The following MGAM variants were observed in gnomAD, a reference collection of about 807,000 sequenced individuals.
The protein encoded by MGAM is alpha-1,4-glucosidase.
MGAM carries 253 observed loss-of-function variants against 358.8 expected under a neutral mutation model. The observed-to-expected ratio is 0.71, with a 90% CI of 0.64 to 0.78. The LOEUF is 0.78. MGAM is among the 30% of genes least tolerant of loss of function. The pLI is 0.00. For missense variants in MGAM, 3,080 were observed against 3,432.6 expected (o/e 0.90, Z 2.57); for synonymous variants, 1,105 against 1,227.1 (o/e 0.90, Z 2.08).
intron 41 of MGAM, among the ~76,000 whole-genome samples, chr7:142,066,927 G>A (rs920196774): frequency 1.4e-5 from 2 of 146,132 alleles, no homozygotes; most frequent in African/African-American, 4.9e-5. Flanking sequence ...ATTGAATGAC[G>A]AAAATTGAAA....
chr7:141,995,197 C>T (rs898467209), upstream of MGAM, among the ~76,000 whole-genome samples: 1 of 151,454 alleles, frequency 6.6e-6, no homozygotes, highest in Non-Finnish European at 1.5e-5. Flanking sequence ...AACTAAATCC[C>T]TCTCATAGGT....
Position 142,042,621 on chromosome 7 carries a change from A to ATG in MGAM, c.2498+1776_2498+1777insGT, listed in dbSNP as rs1809087361. ...ATATATAATATATAATATATATTAT[A>ATG]TATACATATTATATATAATATATAA... is the stretch of plus-strand genomic sequence containing the variant. On this transcript the variant is annotated intron_variant, in intron 21 of 70. Coordinates refer to ENST00000475668, the MANE Select transcript of MGAM (RefSeq NM_001365693.1). Among the ~76,000 whole-genome samples the ATG allele has an allele frequency of 1.2e-4, 2 of 17,170 alleles. 1 individual carries two copies. Among genetic ancestry groups the ATG allele is most frequent in the Non-Finnish European group, 2.2e-4 (2 of 9,294 alleles). The allele number at this position is 17,170 out of a possible 152,430, so 11.3% of individuals were successfully genotyped here.
rs747473196 is a variant in MGAM at position 142,078,997 on chromosome 7, C to T, written c.5836C>T (p.Leu1946=). The part of the protein sequence containing the change: ...LDVTYHKNEM[L]QFKIYDPNNN... ...TGTCACTTACCATAAGAATGAAATG[C>T]TACAGTTCAAGGTAAACACGGTACA... Residue 1946 remains leucine, a synonymous_variant, in exon 49 of 71, where the codon CTA becomes TTA. Transcript: ENST00000475668. 7 of 1,553,070 alleles carry T rather than the reference C, an allele frequency of 4.5e-6. 1 individual carries two copies. Among genetic ancestry groups the T allele is most frequent in the Non-Finnish European group, 6.2e-6 (7 of 1,130,150 alleles).
intron 13 of MGAM, among the ~76,000 whole-genome samples, chr7:142,032,506 C>T (rs1032367885): frequency 9.9e-5 from 15 of 151,942 alleles, no homozygotes; most frequent in Non-Finnish European, 2.1e-4. Context: ...TATGTATTTA[C>T]AGTTATATTT....
intron 4 of MGAM, among the ~76,000 whole-genome samples, chr7:142,020,274 A>G (rs1409968121): frequency 1.3e-5 from 2 of 152,136 alleles, no homozygotes; most frequent in African/African-American, 2.4e-5. Context: ...ATCAATGGAT[A>G]TAATCACCTG....
chr7:142,052,216 T>TA (rs1811047158), intron 24 of MGAM, 78 bp from the exon 25 acceptor site: 1 of 1,210,504 alleles, frequency 8.3e-7, no homozygotes, highest in Non-Finnish European at 1.1e-6. Flanking sequence ...ATTTTTTTTT[T>TA]ATCGAAAAAA....
chr7:142,060,876 G>C (rs372524800), intron 34 of MGAM, among the ~76,000 whole-genome samples: 10 of 151,860 alleles, frequency 6.6e-5, no homozygotes, highest in African/African-American at 2.4e-4. Flanking sequence ...GTCCTGCCCC[G>C]AGCCCCACCA....
chr7:142,018,569 T>C (rs1554457049), intron 3 of MGAM, among the ~76,000 whole-genome samples: 1 of 152,196 alleles, frequency 6.6e-6, no homozygotes, highest in East Asian at 1.9e-4. Flanking sequence ...AATTAGTTGG[T>C]GTGAGAAAGA....
intron 8 of MGAM, among the ~76,000 whole-genome samples, chr7:142,025,810 C>T (rs1212171008): frequency 2.0e-5 from 3 of 152,162 alleles, no homozygotes; most frequent in African/African-American, 7.2e-5. Flanking sequence ...AGATCTGATT[C>T]TCCACCACAG....
At chr7:142,036,098 T>G in intron 16 of MGAM, 71 bp from the exon 17 acceptor site, 1 of 1,148,210 alleles carries the variant, frequency 8.7e-7, no homozygotes, top group Non-Finnish European at 1.3e-6. Flanking sequence ...AGTTGGGAGG[T>G]CCCTGGTGGA....
At position 142,022,327 on chromosome 7, in the gene MGAM, G is replaced by A. The variant is rs782082021; in HGVS notation, c.770G>A (p.Arg257Gln). 8 of 1,612,972 alleles carry A rather than the reference G, an allele frequency of 5.0e-6. No individual in the cohort carries two copies. Among genetic ancestry groups the A allele is most frequent in the Non-Finnish European group, 6.8e-6 (8 of 1,179,370 alleles). Residue 257 changes from arginine (R) to glutamine (Q), a missense_variant, in exon 7 of 71, where the codon CGA (arginine) becomes CAA (glutamine). Transcript: ENST00000475668. ...FADQFLQLST[R>Q]LPSTNVYGLG... ...GACCAGTTCTTGCAGCTCTCCACTCGACTGCCTAGCACTAACGTGTATGGC... is the reference window on the plus strand; with the variant it reads ...GACCAGTTCTTGCAGCTCTCCACTCAACTGCCTAGCACTAACGTGTATGGC...
At chr7:142,014,845 A>G (rs1805847268) in intron 3 of MGAM, among the ~76,000 whole-genome samples, 1 of 152,250 alleles carries the variant, frequency 6.6e-6, no homozygotes, top group African/African-American at 2.4e-5. Flanking sequence ...TGTCAATTTT[A>G]TGGCAAAAAT....
chr7:142,047,726 G>A (rs567129315), intron 21 of MGAM, 59 bp from the exon 22 acceptor site: 3 of 1,474,870 alleles, frequency 2.0e-6, no homozygotes, highest in Admixed American at 3.4e-5. Flanking sequence ...AATATTCTCA[G>A]CTCGGCTGGC....
At chr7:142,018,760 A>G (rs1252412031) in intron 3 of MGAM, among the ~76,000 whole-genome samples, 2 of 152,230 alleles carry the variant, frequency 1.3e-5, no homozygotes, top group Non-Finnish European at 2.9e-5. Flanking sequence ...AATGTAAGGC[A>G]TATATTTAAA....
chr7:142,042,705 A>G (rs1195268724), intron 21 of MGAM, among the ~76,000 whole-genome samples: 4 of 50,470 alleles, frequency 7.9e-5, no homozygotes, highest in Non-Finnish European at 1.3e-4. Flanking sequence ...ATAATATTAT[A>G]TATAATATAT....
chr7:142,030,999 G>C (rs1303553446), intron 12 of MGAM, among the ~76,000 whole-genome samples: 4 of 152,026 alleles, frequency 2.6e-5, no homozygotes, highest in African/African-American at 9.7e-5. Context: ...CACACTGAGT[G>C]TCCACTTTCT....
chr7:142,036,181 A>G lies in MGAM; in HGVS notation c.1972A>G (p.Ile658Val), dbSNP rs782787986. The change falls in exon 17 of 71, where the codon ATA becomes GTA. Residue 658 changes from isoleucine to valine, a missense_variant. Ile to Val is a conservative substitution (Grantham distance 29, BLOSUM62 3). Around this residue, in one of 5 missense-constraint regions of MGAM, gnomAD observed 1,816 missense variants for 1,840.5 expected, o/e 0.99. Coordinates refer to ENST00000475668, the MANE Select transcript of MGAM (RefSeq NM_001365693.1). The part of the protein sequence containing the change: ...LFGIPMVGPD[I>V]CGFALDTPEE... ...TGTGTCCTTCCAGGTGGGTCCTGAC[A>G]TATGTGGCTTTGCTTTGGACACCCC... 3 of 1,611,136 alleles carry G rather than the reference A, an allele frequency of 1.9e-6. No homozygotes were observed. The highest frequency in any genetic ancestry group is 2.2e-5 in the South Asian group (2 of 90,368).
At chr7:141,991,246 G>A (rs916658324), upstream of MGAM, among the ~76,000 whole-genome samples, 34 of 152,194 alleles carry the variant, frequency 2.2e-4, no homozygotes, top group Non-Finnish European at 5.9e-5. Flanking sequence ...TGTTGTTACT[G>A]TTATTCTCAT....
intron 3 of MGAM, among the ~76,000 whole-genome samples, chr7:142,016,781 C>G (rs1429687701): frequency 6.6e-6 from 1 of 152,110 alleles, no homozygotes; most frequent in African/African-American, 2.4e-5. Context: ...TTAGTAGAGA[C>G]GGGGTTTCAC....
Sources: gnomAD v4.1 joint callset for allele counts (sites outside exome capture counted in the v4.1 genomes callset) on GRCh38, gnomAD v4.1.1 for gene constraint, gnomAD v4.1.1 regional missense constraint, MANE v1.5 for transcripts, NCBI Gene and HGNC (gene_info 2026-07-23, HGNC 2026-07-21) for gene names.